PCM1: variants seen among roughly 807,000 people sequenced by gnomAD.
PCM1 encodes the protein pericentriolar material 1.
Under a neutral mutation model 241.9 loss-of-function variants are expected in PCM1, and 157 were observed. The ratio of observed to expected loss-of-function variants is 0.65; its 90% CI spans 0.57 to 0.74. PCM1 has a LOEUF of 0.74. Among genes scored for constraint, PCM1 ranks in the 30% least tolerant of loss-of-function variants. PCM1 has a pLI of 0.00. For missense variants in PCM1, 3,478 were observed against 2,360.1 expected, an observed-to-expected ratio of 1.47 and a Z score of -9.81; for synonymous variants, 1,085 against 784.9, an observed-to-expected ratio of 1.38 and a Z score of -6.39.
chr8:17,996,315 C>G (rs141259906), intron 29 of PCM1, among the ~76,000 whole-genome samples: 80 of 152,226 alleles, frequency 5.3e-4, no homozygotes, highest in African/African-American at 1.8e-3. Flanking sequence ...GTCCTTCATT[C>G]TGTTGATATG....
intron 7 of PCM1, among the ~76,000 whole-genome samples, chr8:17,948,989 A>G (rs2064968972): frequency 6.6e-6 from 1 of 152,186 alleles, no homozygotes; most frequent in Non-Finnish European, 1.5e-5. Context: ...CTAGATTTAT[A>G]TAGAATTTTA....
intron 29 of PCM1, among the ~76,000 whole-genome samples, chr8:18,005,269 G>A (rs561611410): frequency 5.2e-4 from 79 of 151,888 alleles, no homozygotes; most frequent in Non-Finnish European, 1.1e-3. Context: ...CAGACAGCAC[G>A]GAGCTTATAG....
In PCM1 at chr8:18,029,785, T is replaced by C. The variant is rs1462152550; in HGVS notation, c.*2123T>C. ...GTTAAAAATTTTGGTTACAGATAGA[T>C]AGAGGGAGAAAAGTTCAAAATGAGT... is the stretch of plus-strand genomic sequence containing the variant. On this transcript the variant is annotated 3_prime_UTR_variant, in exon 39 of 39. Transcript: ENST00000325083. 5.1e-6 allele frequency: 1 copy of C among 195,682 alleles called. No homozygotes were observed. The highest frequency in any genetic ancestry group is 1.1e-5 in the Non-Finnish European group (1 of 94,238). The allele number at this position is 195,682 out of a possible 1,614,324, so 12.1% of individuals were successfully genotyped here.
chr8:17,966,586 T>C, intron 20 of PCM1, 113 bp downstream of exon 20: 1 of 849,486 alleles, frequency 1.2e-6, no homozygotes, highest in Non-Finnish European at 1.8e-6. Flanking sequence ...TTGGACATTC[T>C]CTTTCCCTTG....
At chr8:17,968,038 C>G (rs1380438317) in intron 21 of PCM1, among the ~76,000 whole-genome samples, 1 of 134,770 alleles carries the variant, frequency 7.4e-6, no homozygotes, top group African/African-American at 3.1e-5. Flanking sequence ...GAAGTGTCAG[C>G]AAATCAGTTC....
At chr8:17,949,500 CTTT>C (rs556627460) in intron 7 of PCM1, among the ~76,000 whole-genome samples, 4 of 141,726 alleles carry the variant, frequency 2.8e-5, no homozygotes, top group African/African-American at 2.6e-5. Flanking sequence ...TTTTCTTTAT[CTTT>C]TTTTTTTTTT....
chr8:17,969,705 A>C lies in PCM1; in HGVS notation c.3541A>C (p.Lys1181Gln). The change falls in exon 22 of 39, where the codon AAA (lysine) becomes CAA (glutamine). Residue 1181 changes from lysine (K) to glutamine (Q), a missense_variant. By Grantham distance (53) the Lys-to-Gln change is moderately conservative (BLOSUM62 1). Transcript: ENST00000325083. ...AAAAACAGAATATATGGCTTTTCCA[A>C]AACCTTTTGAAAGCAGTTCCTCTAT... ...SGKTEYMAFPKPFESSSSIGA... is the reference protein window; with the variant it reads ...SGKTEYMAFPQPFESSSSIGA... 6.2e-7 allele frequency: 1 copy of C among 1,612,260 alleles called. No individual in the cohort carries two copies. The highest frequency in any genetic ancestry group is 8.5e-7 in the Non-Finnish European group (1 of 1,179,240).
At chr8:17,969,865 T>C in intron 22 of PCM1, 117 bp downstream of exon 22, 1 of 761,330 alleles carries the variant, frequency 1.3e-6, no homozygotes, top group South Asian at 1.9e-5. Context: ...GGCTTGATGA[T>C]GTTGGAAATA....
chr8:17,938,189 T>G (rs999439223), intron 4 of PCM1, among the ~76,000 whole-genome samples: 16 of 152,110 alleles, frequency 1.1e-4, no homozygotes, highest in African/African-American at 3.6e-4. Flanking sequence ...ATCCAAAACT[T>G]TTTAAGTGCC....
rs1563960564 is a variant in PCM1, at chr8:17,962,125, C to A, written c.2414C>A (p.Thr805Lys). ...ACTGTTAATCAACACGAGACCAGTA[C>A]AAGCAAATCTGTTTTTGAGCCTGAA... ...TPTVNQHETSTSKSVFEPEDS... is the reference protein window; with the variant it reads ...TPTVNQHETSKSKSVFEPEDS... Residue 805 changes from threonine (T) to lysine (K), a missense_variant, in exon 16 of 39, where the codon ACA becomes AAA. Thr to Lys is a moderately conservative substitution (Grantham distance 78, BLOSUM62 -1). Transcript: ENST00000325083. The A allele has an allele frequency of 6.2e-7, 1 of 1,609,952 alleles. No homozygotes were observed. Among genetic ancestry groups the A allele is most frequent in the South Asian group, 1.1e-5 (1 of 90,464 alleles).
In PCM1 at chr8:17,969,736, C is replaced by A; in HGVS notation, c.3572C>A (p.Ala1191Glu). Residue 1191 changes from alanine (A) to glutamate (E), a missense_variant, in exon 22 of 39, where the codon GCA becomes GAA. Transcript: ENST00000325083. Reference sequence around the variant, plus strand: ...TTTGAAAGCAGTTCCTCTATTGGAGCAGAGAAACCAAGGTACTGATTGTAA... The same window carrying A: ...TTTGAAAGCAGTTCCTCTATTGGAGAAGAGAAACCAAGGTACTGATTGTAA... ...KPFESSSSIG[A>E]EKPRNKKLPE... 6.5e-7 allele frequency: 1 copy of A among 1,534,122 alleles called. No homozygotes were observed.
At chr8:17,982,332 C>CTTTA (rs2081137107) in intron 24 of PCM1, among the ~76,000 whole-genome samples, 1 of 152,060 alleles carries the variant, frequency 6.6e-6, no homozygotes, top group South Asian at 2.1e-4. Flanking sequence ...AACTGAAAGT[C>CTTTA]TTAATAAACT....
At chr8:18,020,254 C>A (rs944409888) in intron 36 of PCM1, among the ~76,000 whole-genome samples, 3 of 152,100 alleles carry the variant, frequency 2.0e-5, no homozygotes, top group African/African-American at 4.8e-5. Context: ...ACAGTTAAAT[C>A]GAGTTGTCAG....
chr8:18,010,063 G>A lies in PCM1; in HGVS notation c.5160+319G>A, dbSNP rs757891847. On this transcript the variant is annotated intron_variant, in intron 31 of 38. Coordinates refer to ENST00000325083, the MANE Select transcript of PCM1 (RefSeq NM_006197.4). ...ATCTGATCCTGGGCCAGTGCCAGGT[G>A]CCTGCCATGTCTGTTATTGATCCCT... Among the ~76,000 whole-genome samples the A allele has an allele frequency of 6.7e-4, 102 of 152,206 alleles. 1 individual carries two copies. Among genetic ancestry groups the A allele is most frequent in the Non-Finnish European group, 2.5e-4 (17 of 68,026 alleles).
chr8:17,933,912 ATACT>A (rs1172263974), intron 2 of PCM1, among the ~76,000 whole-genome samples: 3 of 152,076 alleles, frequency 2.0e-5, no homozygotes, highest in African/African-American at 2.4e-5. Flanking sequence ...CTGCTTGTTT[ATACT>A]TACTTTCAAC....
In PCM1 at chr8:17,980,627, C is replaced by T. The variant is rs1254061869; in HGVS notation, c.3980C>T (p.Pro1327Leu). Residue 1327 changes from proline (P) to leucine (L), a missense_variant, in exon 24 of 39, where the codon CCT becomes CTT. Physicochemically the swap from Pro to Leu is moderately conservative, Grantham distance 98. Coordinates refer to ENST00000325083, the MANE Select transcript of PCM1 (RefSeq NM_006197.4). ...GCCAGTATGTCTAGCACATGTGAAC[C>T]TTGCAAAAGTAGGAACAGACATTCA... ...ESASMSSTCEPCKSRNRHSAQ... is the reference protein window; with the variant it reads ...ESASMSSTCELCKSRNRHSAQ... 2.5e-6 allele frequency: 4 copies of T among 1,612,424 alleles called. No homozygotes were observed. Among genetic ancestry groups the T allele is most frequent in the Non-Finnish European group, 3.4e-6 (4 of 1,179,300 alleles).
chr8:17,929,102 G>T (rs1423621286), intron 2 of PCM1, among the ~76,000 whole-genome samples: 1 of 151,864 alleles, frequency 6.6e-6, no homozygotes, highest in South Asian at 2.1e-4. Context: ...ATACATTCCA[G>T]TTATGGAATT....
rs913070708 is a variant in PCM1, at chr8:18,020,228, T to C, written c.5842-5133T>C. On this transcript the variant is annotated intron_variant, in intron 36 of 38. Transcript: ENST00000325083. ...AAACGTGGAGGAAGCTACTGACCCA[T>C]TGCTTATTATACGTTACAGTTAAAT... Among the ~76,000 whole-genome samples the C allele has an allele frequency of 5.3e-5, 8 of 152,196 alleles. No individual in the cohort carries two copies. The East Asian group carries it at 1.5e-3, about 29-fold the overall frequency.
intron 18 of PCM1, among the ~76,000 whole-genome samples, chr8:17,965,563 AGT>A (rs769714102): frequency 6.6e-6 from 1 of 152,244 alleles, no homozygotes; most frequent in Non-Finnish European, 1.5e-5. Context: ...AATTGTAGAT[AGT>A]GAAAAGAGTC....
Sources: allele counts gnomAD v4.1 joint callset (sites outside exome capture counted in the v4.1 genomes callset), GRCh38; gene constraint gnomAD v4.1.1; transcripts MANE v1.5; gene names NCBI Gene and HGNC (gene_info 2026-07-23, HGNC 2026-07-21).